Variants in SEL1L3 observed in about 807,000 individuals in gnomAD.
SEL1L3 encodes SEL1L family member 3.
Under a neutral mutation model 142.8 loss-of-function variants are expected in SEL1L3, and 76 were observed. That is an observed-to-expected ratio of 0.53 (90% confidence interval 0.44 to 0.64). The LOEUF is 0.64. SEL1L3 is among the 30% of genes least tolerant of loss of function. The pLI is 0.00. For missense variants in SEL1L3, 1,262 were observed against 1,381.7 expected, an observed-to-expected ratio of 0.91 and a Z score of 1.37; for synonymous variants, 504 against 519.6, an observed-to-expected ratio of 0.97 and a Z score of 0.41.
intron 17 of SEL1L3, among the ~76,000 whole-genome samples, chr4:25,771,101 C>T (rs111997083): frequency 0.011 from 1,726 of 152,356 alleles, 20 homozygotes; most frequent in Admixed American, 0.02. Flanking sequence ...TTTCAACAGA[C>T]GCTATCTGAA....
chr4:25,793,112 G>A (rs1228947922), intron 11 of SEL1L3, among the ~76,000 whole-genome samples: 1 of 152,178 alleles, frequency 6.6e-6, no homozygotes, highest in Non-Finnish European at 1.5e-5. Context: ...ATGTGGAAAC[G>A]GAGGCCCAGA....
In SEL1L3 at chr4:25,784,232, G is replaced by T. The variant is rs1263816108; in HGVS notation, c.2276C>A (p.Ser759Tyr). Reference protein sequence around the residue: ...LALELMKKAASKGLHQAVNGL... With the variant: ...LALELMKKAAYKGLHQAVNGL... ...CTGACAATATGCATGTGTTACCTTG[G>T]AAGCTGCTTTCTTCATCAGCTCTAA... is the stretch of plus-strand genomic sequence containing the variant. The change falls in exon 14 of 24, where the codon TCC becomes TAC. Residue 759 changes from serine (S) to tyrosine (Y), a missense_variant. Coordinates refer to ENST00000399878, the MANE Select transcript of SEL1L3 (RefSeq NM_015187.5). 5.6e-6 allele frequency: 9 copies of T among 1,612,584 alleles called. No individual in the cohort carries two copies. The highest frequency in any genetic ancestry group is 7.6e-6 in the Non-Finnish European group (9 of 1,178,796).
At chr4:25,768,494 CAATT>C (rs571914740) in intron 17 of SEL1L3, among the ~76,000 whole-genome samples, 176 of 152,216 alleles carry the variant, frequency 1.2e-3, no homozygotes, top group African/African-American at 4.1e-3. Context: ...GCTTGAGGGC[CAATT>C]AATTCAACGG....
chr4:25,754,288 G>A (rs1717802992), intron 23 of SEL1L3, among the ~76,000 whole-genome samples: 1 of 150,984 alleles, frequency 6.6e-6, no homozygotes. Flanking sequence ...GGCAACAAGA[G>A]CGAAAGTCAA....
At chr4:25,845,548 G>A (rs1398718152) in intron 2 of SEL1L3, among the ~76,000 whole-genome samples, 1 of 152,138 alleles carries the variant, frequency 6.6e-6, no homozygotes, top group Non-Finnish European at 1.5e-5. Context: ...TAGGGTAAGT[G>A]GCTTCTGACC....
At chr4:25,749,682 C>T (rs1011975298) in intron 23 of SEL1L3, among the ~76,000 whole-genome samples, 1 of 152,136 alleles carries the variant, frequency 6.6e-6, no homozygotes, top group Non-Finnish European at 1.5e-5. Flanking sequence ...AGAGTATATT[C>T]CAGAGCCAAA....
chr4:25,787,292 G>A (rs1401773072), intron 13 of SEL1L3, among the ~76,000 whole-genome samples: 1 of 152,186 alleles, frequency 6.6e-6, no homozygotes, highest in East Asian at 1.9e-4. Context: ...TGCAAAGCAG[G>A]TAACAACCAC....
At chr4:25,715,177 A>C in the SEL1L3 span, among the ~76,000 whole-genome samples, 1 of 152,160 alleles carries the variant, frequency 6.6e-6, no homozygotes, top group Non-Finnish European at 1.5e-5. Context: ...CCTATGTTCA[A>C]CTTCGTTAAT....
At chr4:25,769,752 C>G (rs1043176794) in intron 17 of SEL1L3, among the ~76,000 whole-genome samples, 1 of 152,160 alleles carries the variant, frequency 6.6e-6, no homozygotes, top group Non-Finnish European at 1.5e-5. Flanking sequence ...GACCTGCAAA[C>G]CAAGGTCAAA....
chr4:25,737,332 T>G, the SEL1L3 span, among the ~76,000 whole-genome samples: 1 of 152,178 alleles, frequency 6.6e-6, no homozygotes, highest in African/African-American at 2.4e-5. Flanking sequence ...TTCTAGAGAA[T>G]GAGAAGTCCA....
the SEL1L3 span, among the ~76,000 whole-genome samples, chr4:25,736,755 A>G: frequency 3.1e-4 from 47 of 152,178 alleles, no homozygotes; most frequent in Admixed American, 9.2e-4. Context: ...TAAAATCTCT[A>G]ACTTTGTAGG....
At chr4:25,828,303 T>A (rs186683642) in intron 6 of SEL1L3, among the ~76,000 whole-genome samples, 305 of 152,110 alleles carry the variant, frequency 2.0e-3, no homozygotes, top group African/African-American at 5.0e-3. Context: ...AATTTTTTTT[T>A]AATTTTTTTT....
At chr4:25,743,880 T>C (rs1376189183), downstream of SEL1L3, among the ~76,000 whole-genome samples, 1 of 152,090 alleles carries the variant, frequency 6.6e-6, no homozygotes, top group Non-Finnish European at 1.5e-5. Context: ...GCCTTTACTG[T>C]GCAGGGTTCT....
At chr4:25,816,122 G>T (rs1425044733) in intron 9 of SEL1L3, among the ~76,000 whole-genome samples, 1 of 143,760 alleles carries the variant, frequency 7.0e-6, no homozygotes, top group Admixed American at 7.0e-5. Flanking sequence ...TATATTATAT[G>T]ATATATTACA....
the SEL1L3 span, among the ~76,000 whole-genome samples, chr4:25,735,671 G>A: frequency 2.0e-5 from 3 of 151,034 alleles, no homozygotes; most frequent in Non-Finnish European, 2.9e-5. Flanking sequence ...TCCTACAAAC[G>A]TTGATGTTGT....
chr4:25,753,829 CA>C (rs1717764273), intron 23 of SEL1L3, among the ~76,000 whole-genome samples: 1 of 151,886 alleles, frequency 6.6e-6, no homozygotes, highest in Admixed American at 6.6e-5. Context: ...ACTAAAAGTA[CA>C]AAAATCAGCT....
the SEL1L3 span, among the ~76,000 whole-genome samples, chr4:25,737,265 G>A: frequency 3.3e-5 from 5 of 152,196 alleles, no homozygotes; most frequent in Non-Finnish European, 7.3e-5. Flanking sequence ...TTACAGGCGT[G>A]AGTCACCACG....
At chr4:25,738,944 G>A in the SEL1L3 span, among the ~76,000 whole-genome samples, 1 of 152,206 alleles carries the variant, frequency 6.6e-6, no homozygotes, top group East Asian at 1.9e-4. Flanking sequence ...AGTGGCTCAC[G>A]CCTGTAATCC....
At chr4:25,728,878 A>G in the SEL1L3 span, among the ~76,000 whole-genome samples, 120 of 150,580 alleles carry the variant, frequency 8.0e-4, no homozygotes, top group African/African-American at 2.8e-3. Context: ...AAAAAAAAAA[A>G]GAAAAGTAAA....
Sources: gnomAD v4.1 joint callset for allele counts (sites outside exome capture counted in the v4.1 genomes callset) on GRCh38, gnomAD v4.1.1 for gene constraint, MANE v1.5 for transcripts, NCBI Gene and HGNC (gene_info 2026-07-23, HGNC 2026-07-21) for gene names.